The following SRD5A2 variants were observed in gnomAD, a reference collection of about 807,000 sequenced individuals.
SRD5A2 encodes the protein steroid 5 alpha-reductase 2.
Under a neutral mutation model 27.4 loss-of-function variants are expected in SRD5A2, and 30 were observed. That is an observed-to-expected ratio of 1.10 (90% CI 0.82 to 1.49). The LOEUF is 1.49. SRD5A2 is among the 40% of genes most tolerant of loss of function. The probability of loss-of-function intolerance (pLI) is 0.00; values close to 1 mark genes in which losing one functional copy is unlikely to be tolerated. For synonymous variants in SRD5A2, 141 were observed against 133.6 expected (o/e 1.06, Z -0.38); for missense variants, 348 against 323.4 (o/e 1.08, Z -0.58).
At chr2:31,532,781 CTG>C (rs1665940522) in intron 2 of SRD5A2, among the ~76,000 whole-genome samples, 1 of 149,242 alleles carries the variant, frequency 6.7e-6, no homozygotes. Flanking sequence ...GAAAGGGTAT[CTG>C]GGGCAGGGGA....
At chr2:31,643,378 G>T in the SRD5A2 span, among the ~76,000 whole-genome samples, 9 of 152,058 alleles carry the variant, frequency 5.9e-5, no homozygotes, top group Non-Finnish European at 1.2e-4. Context: ...TGTGGTATGC[G>T]ATGTTACATT....
chr2:31,597,577 A>G, the SRD5A2 span, among the ~76,000 whole-genome samples: 7 of 152,166 alleles, frequency 4.6e-5, no homozygotes, highest in East Asian at 1.9e-4. Flanking sequence ...ACTGATATCC[A>G]GAAACTACAA....
chr2:31,589,059 G>T, the SRD5A2 span, among the ~76,000 whole-genome samples: 4 of 152,310 alleles, frequency 2.6e-5, no homozygotes, highest in South Asian at 4.1e-4. Flanking sequence ...CCCAAAGTGT[G>T]AGCAGGGAAA....
the SRD5A2 span, among the ~76,000 whole-genome samples, chr2:31,622,281 C>G: frequency 6.6e-6 from 1 of 152,118 alleles, no homozygotes; most frequent in Admixed American, 6.6e-5. Flanking sequence ...CCATCCATGT[C>G]CCTACACAGG....
At chr2:31,594,462 G>A in the SRD5A2 span, among the ~76,000 whole-genome samples, 4 of 152,034 alleles carry the variant, frequency 2.6e-5, no homozygotes, top group Non-Finnish European at 5.9e-5. Context: ...AAAGAAGGAT[G>A]TTATATAATG....
intron 1 of SRD5A2, among the ~76,000 whole-genome samples, chr2:31,571,345 C>T (rs1666845603): frequency 6.6e-6 from 1 of 152,144 alleles, no homozygotes; most frequent in Non-Finnish European, 1.5e-5. Flanking sequence ...GGACCACTAC[C>T]TTACACCACA....
chr2:31,570,923 A>G (rs1666836876), intron 1 of SRD5A2, among the ~76,000 whole-genome samples: 1 of 152,234 alleles, frequency 6.6e-6, no homozygotes, highest in Non-Finnish European at 1.5e-5. Context: ...GAAAGAATCA[A>G]TATTGTTAAA....
chr2:31,574,789 A>G (rs1363695789), intron 1 of SRD5A2, among the ~76,000 whole-genome samples: 2 of 152,276 alleles, frequency 1.3e-5, no homozygotes, highest in East Asian at 3.8e-4. Flanking sequence ...CACTGAATGT[A>G]AAGCCACGCC....
intron 1 of SRD5A2, among the ~76,000 whole-genome samples, chr2:31,545,428 A>G (rs1666227600): frequency 6.6e-6 from 1 of 152,154 alleles, no homozygotes; most frequent in South Asian, 2.1e-4. Flanking sequence ...TCAAAATACA[A>G]AAATCAATCA....
At chr2:31,620,199 G>A in the SRD5A2 span, among the ~76,000 whole-genome samples, 1 of 151,976 alleles carries the variant, frequency 6.6e-6, no homozygotes, top group Non-Finnish European at 1.5e-5. Context: ...AAGAATAAGA[G>A]CCATCTATTA....
chr2:31,537,046 G>T (rs28383029), intron 1 of SRD5A2, among the ~76,000 whole-genome samples: 2 of 152,110 alleles, frequency 1.3e-5, no homozygotes, highest in African/African-American at 4.8e-5. Context: ...CCAAAGAAAA[G>T]AAGCTTTAAA....
the SRD5A2 span, among the ~76,000 whole-genome samples, chr2:31,625,887 A>G: frequency 6.6e-6 from 1 of 152,022 alleles, no homozygotes; most frequent in Admixed American, 6.6e-5. Flanking sequence ...GTTTTTTCCA[A>G]TTCTGTGAAG....
the SRD5A2 span, among the ~76,000 whole-genome samples, chr2:31,608,256 T>C: frequency 6.6e-6 from 1 of 152,042 alleles, no homozygotes. Context: ...AGTGGTAAGA[T>C]TTCTATTTTT....
chr2:31,626,493 T>C, the SRD5A2 span, among the ~76,000 whole-genome samples: 1 of 152,182 alleles, frequency 6.6e-6, no homozygotes, highest in African/African-American at 2.4e-5. Flanking sequence ...GGCTGTGGGT[T>C]TGTCATGAAT....
At chr2:31,652,224 G>A in the SRD5A2 span, among the ~76,000 whole-genome samples, 1 of 152,216 alleles carries the variant, frequency 6.6e-6, no homozygotes, top group South Asian at 2.1e-4. Flanking sequence ...CCAAAGTGCT[G>A]TGATCACAGG....
chr2:31,636,844 C>T, the SRD5A2 span, among the ~76,000 whole-genome samples: 1 of 152,008 alleles, frequency 6.6e-6, no homozygotes, highest in Non-Finnish European at 1.5e-5. Flanking sequence ...GGTAAATGAT[C>T]TTTTTAATAT....
chr2:31,556,940 C>G (rs1402920887), intron 1 of SRD5A2, among the ~76,000 whole-genome samples: 1 of 152,102 alleles, frequency 6.6e-6, no homozygotes, highest in Non-Finnish European at 1.5e-5. Flanking sequence ...AAGTACTTTG[C>G]CCATATTAAC....
the SRD5A2 span, among the ~76,000 whole-genome samples, chr2:31,636,737 G>A: frequency 6.6e-6 from 1 of 151,990 alleles, no homozygotes; most frequent in Non-Finnish European, 1.5e-5. Context: ...TAATCATATG[G>A]TTTTTGTTCT....
At chr2:31,638,141 A>C in the SRD5A2 span, among the ~76,000 whole-genome samples, 73 of 151,810 alleles carry the variant, frequency 4.8e-4, no homozygotes, top group Non-Finnish European at 1.0e-3. Context: ...ATTTTTATTT[A>C]TTTCAAGAAA....
Sources: allele counts gnomAD v4.1 joint callset (sites outside exome capture counted in the v4.1 genomes callset), GRCh38; gene constraint gnomAD v4.1.1; transcripts MANE v1.5; gene names NCBI Gene and HGNC (gene_info 2026-07-23, HGNC 2026-07-21).